Variants in PDE8B observed in about 807,000 individuals in gnomAD.
PDE8B encodes phosphodiesterase 8B.
PDE8B carries 26 observed loss-of-function variants against 101.3 expected under a neutral mutation model. The observed-to-expected ratio is 0.26, with a 90% confidence interval of 0.19 to 0.36. PDE8B has a LOEUF of 0.36. Among genes scored for constraint, PDE8B ranks in the 10% least tolerant of loss-of-function variants. The pLI is 1.00. For missense variants in PDE8B, 810 were observed against 1,163.1 expected (o/e 0.70, Z 4.42); for synonymous variants, 424 against 429.3 (o/e 0.99, Z 0.15).
At chr5:77,406,378 A>G (rs374003) in intron 12 of PDE8B, among the ~76,000 whole-genome samples, 17,444 of 152,334 alleles carry the variant, frequency 0.11, 1,380 homozygotes, top group Non-Finnish European at 0.17. Context: ...TGTGAGGGAC[A>G]GTAACCAATA....
intron 10 of PDE8B, among the ~76,000 whole-genome samples, chr5:77,380,329 A>G (rs1450073013): frequency 6.6e-6 from 1 of 152,210 alleles, no homozygotes; most frequent in African/African-American, 2.4e-5. Context: ...CATTCCATTG[A>G]ATACAACAAG....
chr5:77,115,682 A>T, the PDE8B span, among the ~76,000 whole-genome samples: 2 of 152,200 alleles, frequency 1.3e-5, no homozygotes, highest in Non-Finnish European at 2.9e-5. Context: ...TTAGAAATGG[A>T]GGGAGTGAAG....
intron 10 of PDE8B, among the ~76,000 whole-genome samples, chr5:77,363,619 G>A (rs1259908042): frequency 2.6e-5 from 4 of 151,788 alleles, no homozygotes; most frequent in African/African-American, 7.3e-5. Context: ...GGCTGAGGCA[G>A]GAGACTCACT....
chr5:77,147,113 CAAA>C, the PDE8B span: 3 of 347,936 alleles, frequency 8.6e-6, no homozygotes. Flanking sequence ...CTAAAAAAAG[CAAA>C]AAAAGGAAGA....
the PDE8B span, chr5:77,112,055 A>G: frequency 1.3e-5 from 2 of 152,222 alleles, no homozygotes; most frequent in Admixed American, 1.3e-4. Context: ...TAATTTCAAC[A>G]TGCTATCAAT....
chr5:77,148,896 A>G, the PDE8B span, among the ~76,000 whole-genome samples: 1 of 152,112 alleles, frequency 6.6e-6, no homozygotes, highest in Non-Finnish European at 1.5e-5. Flanking sequence ...CTAATGTATC[A>G]CTTCTTCCTT....
At chr5:77,153,104 G>A in the PDE8B span, among the ~76,000 whole-genome samples, 4 of 152,144 alleles carry the variant, frequency 2.6e-5, no homozygotes, top group African/African-American at 9.7e-5. Context: ...GGAGGCCAGG[G>A]ATGCTGCTGA....
intron 1 of PDE8B, among the ~76,000 whole-genome samples, chr5:77,269,377 C>T (rs540009213): frequency 6.7e-4 from 102 of 152,278 alleles, no homozygotes; most frequent in African/African-American, 2.4e-3. Context: ...GGTTATTACG[C>T]TCTTGTCAGA....
At chr5:77,336,144 CT>C (rs1302242053) in intron 5 of PDE8B, among the ~76,000 whole-genome samples, 3 of 152,194 alleles carry the variant, frequency 2.0e-5, no homozygotes, top group African/African-American at 7.2e-5. Context: ...TTATTATTTG[CT>C]TATCTATCTG....
At chr5:77,121,697 G>A in the PDE8B span, among the ~76,000 whole-genome samples, 460 of 152,084 alleles carry the variant, frequency 3.0e-3, 1 homozygote, top group African/African-American at 9.6e-3. Flanking sequence ...TAGTAGAGAC[G>A]GGGTTTCACC....
rs746571684 is a variant in PDE8B, at chr5:77,407,440, G to A, written c.1348G>A (p.Glu450Lys). The change falls in exon 13 of 22, where the codon GAG (glutamate) becomes AAG (lysine). Residue 450 changes from glutamate (E) to lysine (K), a missense_variant. Glu to Lys is a moderately conservative substitution (Grantham distance 56). Around this residue, in one of 4 missense-constraint regions of PDE8B, gnomAD observed 325 missense variants for 560.9 expected, o/e 0.58. Coordinates refer to ENST00000264917, the MANE Select transcript of PDE8B (RefSeq NM_003719.5). ...GGCGAGGATCCACTCCATGACCATC[G>A]AGGCTCCCATCACAAAGGTGAGTGG... ...SMARIHSMTI[E>K]APITKVINII... 3 of 1,613,626 alleles carry A rather than the reference G, an allele frequency of 1.9e-6. No homozygotes were observed. Among genetic ancestry groups the A allele is most frequent in the South Asian group, 2.2e-5 (2 of 91,074 alleles).
intron 1 of PDE8B, among the ~76,000 whole-genome samples, chr5:77,274,063 C>G (rs376152208): frequency 1.3e-4 from 20 of 152,278 alleles, no homozygotes; most frequent in South Asian, 1.0e-3. Flanking sequence ...CTCAGGTGAT[C>G]TGCCTGCCTC....
intron 10 of PDE8B, among the ~76,000 whole-genome samples, chr5:77,377,801 GCTT>G (rs1206185259): frequency 6.6e-6 from 1 of 152,134 alleles, no homozygotes; most frequent in Non-Finnish European, 1.5e-5. Context: ...ATTTGCCCTT[GCTT>G]CTTAAGCTGG....
the PDE8B span, among the ~76,000 whole-genome samples, chr5:77,120,776 T>C: frequency 4.6e-5 from 7 of 152,242 alleles, no homozygotes; most frequent in African/African-American, 9.6e-5. Flanking sequence ...TGAGGAGTTT[T>C]CTGAAATCTA....
intron 3 of PDE8B, among the ~76,000 whole-genome samples, chr5:77,326,479 G>A (rs1388345231): frequency 6.6e-6 from 1 of 152,174 alleles, no homozygotes; most frequent in Non-Finnish European, 1.5e-5. Context: ...TGGCTTTTTA[G>A]ACTTTGGTAC....
At chr5:77,382,894 A>G (rs1286748973) in intron 10 of PDE8B, among the ~76,000 whole-genome samples, 1 of 152,184 alleles carries the variant, frequency 6.6e-6, no homozygotes, top group Non-Finnish European at 1.5e-5. Context: ...GCCACAATAA[A>G]CATACGTATG....
At chr5:77,325,842 T>G in intron 3 of PDE8B, 113 bp downstream of exon 3, 1 of 790,968 alleles carries the variant, frequency 1.3e-6, no homozygotes, top group Non-Finnish European at 2.1e-6. Flanking sequence ...TGCGTTGATG[T>G]TTTTAAGCAG....
chr5:77,281,105 C>T (rs150311233), intron 1 of PDE8B, among the ~76,000 whole-genome samples: 7 of 152,298 alleles, frequency 4.6e-5, no homozygotes, highest in Non-Finnish European at 8.8e-5. Flanking sequence ...CCCGTGGAAG[C>T]GCCACTTCCC....
intron 10 of PDE8B, among the ~76,000 whole-genome samples, chr5:77,392,553 G>A (rs1388063490): frequency 1.3e-5 from 2 of 152,152 alleles, no homozygotes; most frequent in East Asian, 3.8e-4. Context: ...GTAGGTATGT[G>A]CTTTTACCCA....
Sources: allele counts gnomAD v4.1 joint callset (sites outside exome capture counted in the v4.1 genomes callset), GRCh38; gene constraint gnomAD v4.1.1; regional missense constraint gnomAD v4.1.1; transcripts MANE v1.5; gene names NCBI Gene and HGNC (gene_info 2026-07-23, HGNC 2026-07-21).